Variants in DLG1 observed in about 807,000 individuals in gnomAD.
The protein encoded by DLG1 is discs large MAGUK scaffold protein 1, also known as disks large homolog 1.
In DLG1, 42 loss-of-function variants were observed where a neutral mutation model predicts 123.4. That is an observed-to-expected ratio of 0.34 (90% CI 0.27 to 0.44). DLG1 has a LOEUF of 0.44. Among genes scored for constraint, DLG1 ranks in the 20% least tolerant of loss-of-function variants. The pLI is 1.00. For missense variants in DLG1, 942 were observed against 1,082.6 expected, an observed-to-expected ratio of 0.87 and a Z score of 1.82; for synonymous variants, 317 against 356.2, an observed-to-expected ratio of 0.89 and a Z score of 1.24.
chr3:197,144,596 T>C (rs1310264118), intron 6 of DLG1, among the ~76,000 whole-genome samples: 1 of 152,212 alleles, frequency 6.6e-6, no homozygotes, highest in Non-Finnish European at 1.5e-5. Context: ...AAAACCTACA[T>C]AAGCTACTTT....
At chr3:197,268,892 T>C (rs1285165656) in intron 4 of DLG1, among the ~76,000 whole-genome samples, 1 of 146,610 alleles carries the variant, frequency 6.8e-6, no homozygotes. Context: ...TTAAATACTG[T>C]TAAAAACAAA....
chr3:197,161,661 G>A, intron 5 of DLG1: 1 of 1,550,294 alleles, frequency 6.5e-7, no homozygotes, highest in Non-Finnish European at 8.7e-7. Context: ...TGGGTAGGAT[G>A]ACAGTATTCT....
intron 5 of DLG1, among the ~76,000 whole-genome samples, chr3:197,192,503 A>T (rs2150239966): frequency 6.6e-6 from 1 of 152,172 alleles, no homozygotes; most frequent in South Asian, 2.1e-4. Flanking sequence ...AGAAAGGAAG[A>T]AAAGATAGAA....
intron 18 of DLG1, chr3:197,069,961 A>G (rs151125576): frequency 2.3e-3 from 352 of 152,330 alleles, no homozygotes; most frequent in African/African-American, 8.2e-3. Flanking sequence ...CTCTGCTTTG[A>G]TAAGACTGGC....
chr3:197,148,408 CAAGAAAA>C (rs1792177461), intron 6 of DLG1, among the ~76,000 whole-genome samples: 1 of 36,308 alleles, frequency 2.8e-5, no homozygotes, highest in African/African-American at 1.1e-4. Context: ...GAAACTGTCT[CAAGAAAA>C]AAAAAAAAAA....
chr3:197,077,860 A>C (rs549073164), intron 17 of DLG1, among the ~76,000 whole-genome samples: 1 of 152,228 alleles, frequency 6.6e-6, no homozygotes, highest in Non-Finnish European at 1.5e-5. Context: ...TATTTTTTGG[A>C]GGGGGAAGGG....
intron 4 of DLG1, among the ~76,000 whole-genome samples, chr3:197,228,382 T>C (rs1741055086): frequency 1.3e-5 from 2 of 152,244 alleles, no homozygotes; most frequent in African/African-American, 4.8e-5. Context: ...AGTTCAAGCA[T>C]GTCCACTTAG....
Position 197,075,923 on chromosome 3 carries a change from T to C in DLG1, c.2005+663A>G, listed in dbSNP as rs894713836. 1.6e-5 allele frequency: 25 copies of C among 1,539,202 alleles called. No individual in the cohort carries two copies. The African/African-American group carries it at 1.6e-4, about 10-fold the overall frequency. ...GCAATAAAAAGATAATCAAAGAAAA[T>C]AGTTGTCAGTAATGCATAAAATTGG... On this transcript the variant is annotated intron_variant, in intron 18 of 24. Coordinates refer to ENST00000667157, the MANE Select transcript of DLG1 (RefSeq NM_001366207.1).
intron 10 of DLG1, among the ~76,000 whole-genome samples, chr3:197,133,222 T>C (rs1359956032): frequency 2.0e-5 from 3 of 152,248 alleles, no homozygotes; most frequent in Admixed American, 6.5e-5. Context: ...GTACCAGTGC[T>C]TGTCTTCTTT....
chr3:197,233,489 C>A (rs1388675770), intron 4 of DLG1, among the ~76,000 whole-genome samples: 1 of 152,152 alleles, frequency 6.6e-6, no homozygotes, highest in African/African-American at 2.4e-5. Context: ...CAGGTTCAAG[C>A]AATTCTCCTG....
intron 18 of DLG1, 61 bp downstream of exon 18, chr3:197,076,525 T>C: frequency 2.3e-6 from 3 of 1,326,858 alleles, no homozygotes; most frequent in South Asian, 2.6e-5. Context: ...AACAACCAAC[T>C]GCAGGGCAGT....
chr3:197,208,631 GT>G (rs1301723732), intron 4 of DLG1, among the ~76,000 whole-genome samples: 1 of 144,120 alleles, frequency 6.9e-6, no homozygotes, highest in African/African-American at 2.5e-5. Flanking sequence ...AGAATATAAT[GT>G]TAAGTGGTGA....
chr3:197,238,593 A>G (rs1747236912), intron 4 of DLG1, among the ~76,000 whole-genome samples: 1 of 152,218 alleles, frequency 6.6e-6, no homozygotes. Flanking sequence ...ACCATACAGA[A>G]TGTCAATCCA....
intron 6 of DLG1, among the ~76,000 whole-genome samples, chr3:197,143,159 C>T (rs185443785): frequency 1.3e-5 from 2 of 152,292 alleles, no homozygotes; most frequent in African/African-American, 4.8e-5. Context: ...CTTGTTCAAC[C>T]TCCTCTGGAA....
chr3:197,244,741 C>T (rs906014197), intron 4 of DLG1, among the ~76,000 whole-genome samples: 5 of 151,732 alleles, frequency 3.3e-5, no homozygotes, highest in Non-Finnish European at 7.4e-5. Flanking sequence ...TGGTTAGAAG[C>T]ACGAGATAGG....
chr3:197,101,806 T>C (rs1763622067), intron 14 of DLG1, among the ~76,000 whole-genome samples: 1 of 152,048 alleles, frequency 6.6e-6, no homozygotes, highest in Non-Finnish European at 1.5e-5. Context: ...TTTATTTTTA[T>C]TTTGAGACGG....
intron 4 of DLG1, among the ~76,000 whole-genome samples, chr3:197,251,848 T>C (rs62282105): frequency 0.24 from 36,902 of 152,150 alleles, 5,666 homozygotes; most frequent in East Asian, 0.71. Context: ...TATTTTAAAA[T>C]GGGCACATTT....
chr3:197,272,513 T>C lies in DLG1; in HGVS notation c.318+10166A>G, dbSNP rs1579118392. Among the ~76,000 whole-genome samples, 3 of 152,344 alleles carry C rather than the reference T, an allele frequency of 2.0e-5. No homozygotes were observed. The East Asian group carries it at 5.8e-4, about 29-fold the overall frequency. Reference sequence around the variant, plus strand: ...CATTGTGCCATTTTTCATAGTGTGGTGATTTTTAGGAAAGTTATCTGTTGT... The same window carrying C: ...CATTGTGCCATTTTTCATAGTGTGGCGATTTTTAGGAAAGTTATCTGTTGT... On this transcript the variant is annotated intron_variant, in intron 4 of 24. Coordinates refer to ENST00000667157, the MANE Select transcript of DLG1 (RefSeq NM_001366207.1).
intron 4 of DLG1, among the ~76,000 whole-genome samples, chr3:197,196,944 A>G (rs1722862171): frequency 6.6e-6 from 1 of 152,236 alleles, no homozygotes; most frequent in Non-Finnish European, 1.5e-5. Flanking sequence ...GTGTGTATCC[A>G]TGCTTATGAA....
Sources: allele counts gnomAD v4.1 joint callset (sites outside exome capture counted in the v4.1 genomes callset), GRCh38; gene constraint gnomAD v4.1.1; transcripts MANE v1.5; gene names NCBI Gene and HGNC (gene_info 2026-07-23, HGNC 2026-07-21).